The following FGF14 variants were observed in gnomAD, a reference collection of about 807,000 sequenced individuals.
FGF14 encodes fibroblast growth factor homologous factor 4.
A neutral mutation model predicts 25.5 loss-of-function variants in FGF14; 5 were observed. The ratio of observed to expected loss-of-function variants is 0.20; its 90% CI spans 0.10 to 0.41. FGF14 has a LOEUF of 0.41. Among genes scored for constraint, FGF14 ranks in the 10% least tolerant of loss-of-function variants. The pLI is 1.00. For synonymous variants in FGF14, 138 were observed against 118.3 expected, an observed-to-expected ratio of 1.17 and a Z score of -1.08; for missense variants, 222 against 320.1, an observed-to-expected ratio of 0.69 and a Z score of 2.34.
At chr13:102,053,476 GATCA>G (rs1197337468) in intron 1 of FGF14, among the ~76,000 whole-genome samples, 19 of 151,976 alleles carry the variant, frequency 1.3e-4, no homozygotes, top group African/African-American at 4.6e-4. Flanking sequence ...CTGAACAACC[GATCA>G]ATTAAAGAAC....
chr13:101,922,098 G>A (rs556899163), intron 1 of FGF14, among the ~76,000 whole-genome samples: 129 of 152,238 alleles, frequency 8.5e-4, no homozygotes, highest in Admixed American at 2.0e-3. Flanking sequence ...GCTCAATAAA[G>A]ATTTGTGTAT....
intron 1 of FGF14, among the ~76,000 whole-genome samples, chr13:101,965,992 AACTT>A (rs2037169394): frequency 6.6e-6 from 1 of 152,182 alleles, no homozygotes; most frequent in Non-Finnish European, 1.5e-5. Context: ...AACCACAATC[AACTT>A]TTCTATTCCT....
chr13:102,352,279 ACACACACAC>A (rs2057304043), intron 1 of FGF14, among the ~76,000 whole-genome samples: 1 of 148,620 alleles, frequency 6.7e-6, no homozygotes, highest in Admixed American at 6.6e-5. Context: ...ACACACACAC[ACACACACAC>A]ACCTGCAACA....
intron 3 of FGF14, among the ~76,000 whole-genome samples, chr13:101,778,065 C>T (rs1201143730): frequency 1.3e-5 from 2 of 152,270 alleles, no homozygotes; most frequent in South Asian, 2.1e-4. Flanking sequence ...TGAGGTACTT[C>T]GTGAGAGTGC....
intron 1 of FGF14, among the ~76,000 whole-genome samples, chr13:102,323,790 G>C (rs1478844535): frequency 6.6e-6 from 1 of 152,152 alleles, no homozygotes; most frequent in Non-Finnish European, 1.5e-5. Flanking sequence ...ACTCATAGGA[G>C]ATTTGAATTC....
intron 1 of FGF14, among the ~76,000 whole-genome samples, chr13:102,281,461 T>C (rs961898884): frequency 3.9e-5 from 6 of 152,130 alleles, no homozygotes; most frequent in Non-Finnish European, 5.9e-5. Flanking sequence ...TTATCCACTC[T>C]TCAAAGCAGA....
At chr13:101,885,701 GAAA>G (rs75565604) in intron 1 of FGF14, among the ~76,000 whole-genome samples, 1 of 122,774 alleles carries the variant, frequency 8.1e-6, no homozygotes, top group Admixed American at 8.6e-5. Context: ...ACAGGCCTCT[GAAA>G]AAAAAAAAAA....
intron 1 of FGF14, among the ~76,000 whole-genome samples, chr13:102,313,069 C>T (rs2055851130): frequency 6.6e-6 from 1 of 152,216 alleles, no homozygotes; most frequent in Admixed American, 6.5e-5. Flanking sequence ...TCAAGGACAA[C>T]AGAGCACCTT....
At chr13:101,831,222 T>C (rs1330128562) in intron 3 of FGF14, among the ~76,000 whole-genome samples, 4 of 151,144 alleles carry the variant, frequency 2.6e-5, no homozygotes, top group African/African-American at 9.7e-5. Context: ...GTCTAATAAG[T>C]ATTACATATG....
chr13:102,349,721 T>C (rs2057218108), intron 1 of FGF14, among the ~76,000 whole-genome samples: 1 of 152,254 alleles, frequency 6.6e-6, no homozygotes, highest in African/African-American at 2.4e-5. Flanking sequence ...TGAGCATGTT[T>C]GATTCCTTGG....
chr13:101,815,712 G>T, intron 3 of FGF14, among the ~76,000 whole-genome samples: 1 of 152,012 alleles, frequency 6.6e-6, no homozygotes, highest in East Asian at 1.9e-4. Context: ...GGATGGTGTA[G>T]CCCATTGAGA....
intron 1 of FGF14, among the ~76,000 whole-genome samples, chr13:101,952,558 T>A (rs915538690): frequency 1.3e-5 from 2 of 152,234 alleles, no homozygotes; most frequent in African/African-American, 4.8e-5. Flanking sequence ...TTCCTGTGGC[T>A]GTTTCCATAG....
chr13:102,144,616 T>G (rs971437420), intron 1 of FGF14, among the ~76,000 whole-genome samples: 6 of 152,164 alleles, frequency 3.9e-5, no homozygotes, highest in African/African-American at 1.2e-4. Context: ...CTTCTGTCAT[T>G]CTCCTAGCTT....
At chr13:101,840,923 T>A (rs2043164113) in intron 3 of FGF14, among the ~76,000 whole-genome samples, 1 of 152,020 alleles carries the variant, frequency 6.6e-6, no homozygotes, top group African/African-American at 2.4e-5. Context: ...GGGGCAATTA[T>A]CCTCTAGGTC....
chr13:101,752,097 C>T (rs1011506994), intron 3 of FGF14, among the ~76,000 whole-genome samples: 2 of 152,066 alleles, frequency 1.3e-5, no homozygotes, highest in South Asian at 2.1e-4. Context: ...ACAGATTAAA[C>T]AGCATTCTAC....
At position 101,881,847 on chromosome 13, in the gene FGF14, T is replaced by C. The variant is rs374107171; in HGVS notation, c.194-6551A>G. ...CTCATCTTCAGACTCCTTGTTAATA[T>C]GTCAATGACACCAAACACTAAAAGA... On this transcript the variant is annotated intron_variant, in intron 1 of 4. Transcript: ENST00000376143. Among the ~76,000 whole-genome samples, 23 of 152,324 alleles carry C rather than the reference T, an allele frequency of 1.5e-4. No individual in the cohort carries two copies. In the South Asian group the frequency reaches 3.1e-3, roughly 21 times the overall value.
intron 1 of FGF14, among the ~76,000 whole-genome samples, chr13:102,156,091 C>G (rs146334462): frequency 0.026 from 3,983 of 152,258 alleles, 172 homozygotes; most frequent in African/African-American, 0.091. Flanking sequence ...CAAGGAGGAG[C>G]TGGTACCATT....
intron 1 of FGF14, among the ~76,000 whole-genome samples, chr13:102,212,136 T>C (rs796088089): frequency 6.6e-6 from 1 of 152,172 alleles, no homozygotes. Context: ...TCTGCCCAAA[T>C]AGGTGATCTT....
chr13:102,070,032 G>A (rs1395287757), intron 1 of FGF14, among the ~76,000 whole-genome samples: 1 of 152,002 alleles, frequency 6.6e-6, no homozygotes, highest in Non-Finnish European at 1.5e-5. Context: ...TGAACAAATA[G>A]GATCACATCA....
Sources: gnomAD v4.1 joint callset for allele counts (sites outside exome capture counted in the v4.1 genomes callset) on GRCh38, gnomAD v4.1.1 for gene constraint, MANE v1.5 for transcripts, NCBI Gene and HGNC (gene_info 2026-07-23, HGNC 2026-07-21) for gene names.